Variants in GDAP1 observed in about 807,000 individuals in gnomAD.
The protein encoded by GDAP1 is ganglioside-induced differentiation-associated protein 1.
A neutral mutation model predicts 40.1 loss-of-function variants in GDAP1; 34 were observed. The ratio of observed to expected loss-of-function variants is 0.85; its 90% CI spans 0.64 to 1.13. GDAP1 has a LOEUF of 1.13. GDAP1 is among the 50% of genes most tolerant of loss of function. The probability of loss-of-function intolerance (pLI) is 0.00; values close to 1 mark genes in which losing one functional copy is unlikely to be tolerated. For synonymous variants in GDAP1, 170 were observed against 157.4 expected (o/e 1.08, Z -0.60); for missense variants, 374 against 433.7 (o/e 0.86, Z 1.22).
chr8:74,396,825 T>G lies in GDAP1; in HGVS notation c.165+45504T>G, dbSNP rs188632864. Among the ~76,000 whole-genome samples, 22 of 152,346 alleles carry G rather than the reference T, an allele frequency of 1.4e-4. No homozygotes were observed. The East Asian group carries it at 3.5e-3, about 24-fold the overall frequency. On this transcript the variant is annotated intron_variant, in intron 2 of 2. Coordinates refer to the GDAP1 transcript ENST00000523640. ...GTGCCGCAATAAACATATGTGTGCATGTGTCTTTATAGCAGCATGATTTCT... is the reference window on the plus strand; with the variant it reads ...GTGCCGCAATAAACATATGTGTGCAGGTGTCTTTATAGCAGCATGATTTCT...
chr8:74,396,603 G>C (rs2131545923), intron 2 of GDAP1, among the ~76,000 whole-genome samples: 1 of 152,030 alleles, frequency 6.6e-6, no homozygotes, highest in South Asian at 2.1e-4. Flanking sequence ...AGAACATGTG[G>C]TGTTTGGTTT....
chr8:74,353,950 T>C (rs981472561), intron 2 of GDAP1, among the ~76,000 whole-genome samples: 6 of 152,180 alleles, frequency 3.9e-5, no homozygotes, highest in Non-Finnish European at 8.8e-5. Flanking sequence ...AGAATGTCCC[T>C]AACACTTCTA....
downstream of GDAP1, among the ~76,000 whole-genome samples, chr8:74,367,532 A>C (rs560574077): frequency 3.9e-4 from 59 of 152,218 alleles, no homozygotes; most frequent in African/African-American, 1.4e-3. Context: ...GAAAAAAAAA[A>C]CAGTATGGTA....
At position 74,375,890 on chromosome 8, in the gene GDAP1, A is replaced by T. The variant is rs559577140; in HGVS notation, c.165+24569A>T. Reference sequence around the variant, plus strand: ...TTTTTCCTAAGGAATCTTCTAAAAAACACTTAGAAATATTAAATGAAGTTA... The same window carrying T: ...TTTTTCCTAAGGAATCTTCTAAAAATCACTTAGAAATATTAAATGAAGTTA... On this transcript the variant is annotated intron_variant, in intron 2 of 2. Coordinates refer to the GDAP1 transcript ENST00000523640. 1.1e-4 allele frequency among the ~76,000 whole-genome samples: 16 copies of T among 152,368 alleles called. 1 individual carries two copies. Among genetic ancestry groups the T allele is most frequent in the African/African-American group, 3.4e-4 (14 of 41,580 alleles).
At chr8:74,424,020 A>G (rs899979885) in intron 2 of GDAP1, among the ~76,000 whole-genome samples, 55 of 152,190 alleles carry the variant, frequency 3.6e-4, no homozygotes, top group African/African-American at 1.3e-3. Flanking sequence ...TGTAAATACA[A>G]CTGTTCCTAA....
Position 74,378,414 on chromosome 8 carries a change from A to T in GDAP1, c.165+27093A>T, listed in dbSNP as rs548541772. Among the ~76,000 whole-genome samples the T allele has an allele frequency of 3.3e-5, 5 of 152,258 alleles. No individual in the cohort carries two copies. In the South Asian group the frequency reaches 1.0e-3, roughly 32 times the overall value. ...TTGCTGGCCCCAGCCAGTCCCACACACAAGAGGTGGATTGAGAAAATATTG... is the reference window on the plus strand; with the variant it reads ...TTGCTGGCCCCAGCCAGTCCCACACTCAAGAGGTGGATTGAGAAAATATTG... On this transcript the variant is annotated intron_variant, in intron 2 of 2. Transcript: ENST00000523640.
At chr8:74,381,505 C>T (rs1161646170) in intron 2 of GDAP1, among the ~76,000 whole-genome samples, 1 of 151,974 alleles carries the variant, frequency 6.6e-6, no homozygotes, top group African/African-American at 2.4e-5. Context: ...CCTGTAATCC[C>T]AGCACTTTGA....
chr8:74,391,537 G>A (rs1025745026), intron 2 of GDAP1, among the ~76,000 whole-genome samples: 1 of 151,602 alleles, frequency 6.6e-6, no homozygotes, highest in Non-Finnish European at 1.5e-5. Context: ...CCAATGAGAT[G>A]ACCTGGGTAC....
chr8:74,358,037 A>G (rs1250556901), intron 2 of GDAP1, among the ~76,000 whole-genome samples: 1 of 152,248 alleles, frequency 6.6e-6, no homozygotes, highest in Non-Finnish European at 1.5e-5. Context: ...TGGAGAGGGC[A>G]TGCTTGATGC....
At chr8:74,457,019 C>T (rs929800664) in intron 2 of GDAP1, among the ~76,000 whole-genome samples, 1 of 152,058 alleles carries the variant, frequency 6.6e-6, no homozygotes, top group African/African-American at 2.4e-5. Context: ...TATGGCTACC[C>T]CTTACTTCTG....
Position 74,402,896 on chromosome 8 carries a change from TTTGTTG to T in GDAP1, c.165+51591_165+51596del, listed in dbSNP as rs367960112. Among the ~76,000 whole-genome samples the T allele has an allele frequency of 2.0e-5, 3 of 150,006 alleles. 1 individual carries two copies. Among genetic ancestry groups the T allele is most frequent in the East Asian group, 1.9e-4 (1 of 5,200 alleles). ...ATATATAATTGATTATTCTTATTCT[TTTGTTG>T]TTGTTGTTGTTGTTGAGTTGTTCTA... On this transcript the variant is annotated intron_variant, in intron 2 of 2. Transcript: ENST00000523640.
chr8:74,433,303 G>A lies in GDAP1; in HGVS notation c.166-55375G>A, dbSNP rs115009653. On this transcript the variant is annotated intron_variant, in intron 2 of 2. Transcript: ENST00000523640. ...GTTTACTCCTTGAATGTCTGTTTCT[G>A]CCCCCTTCCCTTCCTAACTCCACAA... Among the ~76,000 whole-genome samples the A allele has an allele frequency of 4.4e-3, 676 of 152,170 alleles. 8 individuals are homozygous for A. Among genetic ancestry groups the A allele is most frequent in the African/African-American group, 0.015 (621 of 41,522 alleles).
chr8:74,383,682 A>G lies in GDAP1; in HGVS notation c.165+32361A>G, dbSNP rs891673098. ...CACTTCTTTATCTACATCCTCTGAC[A>G]TTAATGAGCCATACCTCTTTTCCAT... On this transcript the variant is annotated intron_variant, in intron 2 of 2. Transcript: ENST00000523640. Among the ~76,000 whole-genome samples, 21 of 152,168 alleles carry G rather than the reference A, an allele frequency of 1.4e-4. 1 individual carries two copies. The highest frequency in any genetic ancestry group is 5.1e-4 in the African/African-American group (21 of 41,456).
At chr8:74,377,206 CAA>C (rs2131534643) in intron 2 of GDAP1, among the ~76,000 whole-genome samples, 2 of 137,172 alleles carry the variant, frequency 1.5e-5, no homozygotes, top group South Asian at 5.0e-4. Context: ...TAGATGTTAT[CAA>C]AGTTATAACT....
rs1809295867 is a variant in GDAP1 at position 74,360,226 on chromosome 8, G to T, written c.400G>T (p.Asp134Tyr). 1 of 1,613,288 alleles carries T rather than the reference G, an allele frequency of 6.2e-7. No individual in the cohort carries two copies. The highest frequency in any genetic ancestry group is 8.5e-7 in the Non-Finnish European group (1 of 1,179,428). Reference protein sequence around the residue: ...YRELLDSLPMDAYTHGCILHP... With the variant: ...YRELLDSLPMYAYTHGCILHP... The stretch of plus-strand genomic sequence containing the variant: ...AGAGCTGCTTGACTCCTTGCCAATG[G>T]ATGCCTATACACATGGCTGCATTTT... The change falls in exon 3 of 6, where the codon GAT becomes TAT. Residue 134 changes from aspartate to tyrosine, a missense_variant. Transcript: ENST00000220822.
At chr8:74,425,839 G>A (rs752663923) in intron 2 of GDAP1, among the ~76,000 whole-genome samples, 4 of 152,108 alleles carry the variant, frequency 2.6e-5, no homozygotes, top group South Asian at 4.1e-4. Context: ...TTCTACCTTG[G>A]TATATATATC....
rs1377176417 is a variant in GDAP1, at chr8:74,364,493, C to G, written c.*126C>G. On this transcript the variant is annotated 3_prime_UTR_variant, in exon 6 of 6. Transcript: ENST00000220822. ...TTTTTTCCTAAAATTCAGAAGTCAT[C>G]TTTGTTACACAACACAGGGGTTCAG... The G allele has an allele frequency of 1.0e-6, 1 of 971,116 alleles. No individual in the cohort carries two copies. The highest frequency in any genetic ancestry group is 1.6e-6 in the Non-Finnish European group (1 of 615,470). The allele number at this position is 971,116 out of a possible 1,614,324, so 60.2% of individuals were successfully genotyped here.
chr8:74,466,031 A>G (rs4735679), intron 2 of GDAP1, among the ~76,000 whole-genome samples: 53,308 of 152,110 alleles, frequency 0.35, 10,047 homozygotes, highest in Non-Finnish European at 0.41. Context: ...AGACTCTCAA[A>G]CTTTGGAATC....
Position 74,361,868 on chromosome 8 carries a change from A to G in GDAP1, c.485-16A>G. 1 of 1,427,622 alleles carries G rather than the reference A, an allele frequency of 7.0e-7. No individual in the cohort carries two copies. The highest frequency in any genetic ancestry group is 9.9e-7 in the Non-Finnish European group (1 of 1,008,066). The allele number at this position is 1,427,622 out of a possible 1,614,324, so 88.4% of individuals were successfully genotyped here. ...GAGAAAATAATTTTCTGTTTCCAAA[A>G]TGTTTTTATTATCAGGCCAAATTGG... is the stretch of plus-strand genomic sequence containing the variant. On this transcript the variant is annotated splice_polypyrimidine_tract_variant and intron_variant, in intron 3 of 5. Coordinates refer to ENST00000220822, the MANE Select transcript of GDAP1 (RefSeq NM_018972.4).
Sources: allele counts gnomAD v4.1 joint callset (sites outside exome capture counted in the v4.1 genomes callset), GRCh38; gene constraint gnomAD v4.1.1; transcripts MANE v1.5; gene names NCBI Gene and HGNC (gene_info 2026-07-23, HGNC 2026-07-21).